The following DACH1 variants were observed in gnomAD, a reference collection of about 807,000 sequenced individuals.
DACH1 encodes the protein dachshund homolog 1.
A neutral mutation model predicts 54.2 loss-of-function variants in DACH1; 12 were observed. That is an observed-to-expected ratio of 0.22 (90% CI 0.14 to 0.36). The LOEUF (loss-of-function observed/expected upper bound fraction) is 0.36. DACH1 is among the 10% of genes least tolerant of loss of function. The probability of loss-of-function intolerance (pLI) is 1.00; values close to 1 mark genes in which losing one functional copy is unlikely to be tolerated. For missense variants in DACH1, 805 were observed against 929.8 expected (o/e 0.87, Z 1.75); for synonymous variants, 386 against 366.2 (o/e 1.05, Z -0.62).
chr13:71,691,416 C>T (rs995088527), intron 1 of DACH1, among the ~76,000 whole-genome samples: 2 of 152,328 alleles, frequency 1.3e-5, no homozygotes, highest in East Asian at 3.9e-4. Flanking sequence ...GAGATAAGTA[C>T]TATTACAATC....
chr13:71,589,186 T>C (rs1227437494), intron 3 of DACH1, among the ~76,000 whole-genome samples: 1 of 151,818 alleles, frequency 6.6e-6, no homozygotes. Context: ...ACTTAGAAGG[T>C]TTCTGCAAAC....
chr13:71,491,394 G>C (rs932135935), intron 6 of DACH1, among the ~76,000 whole-genome samples: 1 of 152,070 alleles, frequency 6.6e-6, no homozygotes, highest in African/African-American at 2.4e-5. Context: ...ACATGTGTGC[G>C]TGCATGCCTG....
chr13:71,486,808 TTATTTATCTATCTATCTATCTATCTATC>T lies in DACH1; in HGVS notation c.1722+2161_1722+2188del, dbSNP rs1197466951. On this transcript the variant is annotated intron_variant, in intron 7 of 10. Coordinates refer to ENST00000613252, the MANE Select transcript of DACH1 (RefSeq NM_080759.6). The stretch of plus-strand genomic sequence containing the variant: ...AAGCTAAATTAATTAATTTATTTAT[TTATTTATCTATCTATCTATCTATCTATC>T]TATCTATCTATCTATCTATCTATCT... Among the ~76,000 whole-genome samples the T allele has an allele frequency of 1.3e-3, 196 of 147,854 alleles. 2 individuals are homozygous for T. The highest frequency in any genetic ancestry group is 3.4e-4 in the Non-Finnish European group (23 of 67,506).
At chr13:71,641,447 C>T (rs558223871) in intron 2 of DACH1, among the ~76,000 whole-genome samples, 2 of 152,120 alleles carry the variant, frequency 1.3e-5, no homozygotes, top group African/African-American at 4.8e-5. Context: ...TTTATAACAA[C>T]ATCTCATTTA....
At chr13:71,855,034 C>T (rs1055908560) in intron 1 of DACH1, among the ~76,000 whole-genome samples, 4 of 151,996 alleles carry the variant, frequency 2.6e-5, no homozygotes, top group African/African-American at 9.7e-5. Context: ...CCTAGATGAT[C>T]ATGACTTATG....
At position 71,439,570 on chromosome 13, in the gene DACH1, A is replaced by G. The variant is rs540053529; in HGVS notation, c.*1085T>C. The G allele has an allele frequency of 5.2e-5, 8 of 152,536 alleles. No homozygotes were observed. The highest frequency in any genetic ancestry group is 1.9e-4 in the African/African-American group (8 of 41,548). The allele number at this position is 152,536 out of a possible 1,614,324, so 9.4% of individuals were successfully genotyped here. On this transcript the variant is annotated 3_prime_UTR_variant, in exon 11 of 11. Transcript: ENST00000613252. ...TGTTTTGATTTGCTGTTCAGCCACA[A>G]TCCATTCCCAATAGTGCAGCTTGGG... is the stretch of plus-strand genomic sequence containing the variant.
At chr13:71,777,766 G>T (rs1471258162) in intron 1 of DACH1, among the ~76,000 whole-genome samples, 1 of 151,986 alleles carries the variant, frequency 6.6e-6, no homozygotes, top group African/African-American at 2.4e-5. Flanking sequence ...AAGTATTTAT[G>T]TGTAATATTC....
rs750775338 is a variant in DACH1 at position 71,866,336 on chromosome 13, C to T, written c.434G>A (p.Ser145Asn). 9 of 1,400,620 alleles carry T rather than the reference C, an allele frequency of 6.4e-6. No individual in the cohort carries two copies. In the East Asian group the frequency reaches 2.1e-4, roughly 33 times the overall value. 86.8% of individuals were successfully genotyped at this position (1,400,620 alleles called of 1,614,324 possible). Residue 145 changes from serine to asparagine, a missense_variant, in exon 1 of 11, where the codon AGT (serine) becomes AAT (asparagine). Physicochemically the swap from Ser to Asn is conservative, Grantham distance 46 (BLOSUM62 1). Around this residue, in one of 3 missense-constraint regions of DACH1, gnomAD observed 305 missense variants for 308.7 expected, o/e 0.99. Coordinates refer to ENST00000613252, the MANE Select transcript of DACH1 (RefSeq NM_080759.6). ...NASTGSSSSS[S>N]SSSSSSSSSS... ...ACTGCTGCTGCTGCTGCTGCTGCTA[C>T]TGCTGCTGCTGCTGCTGCCGGTGCT...
chr13:71,663,901 A>G lies in DACH1; in HGVS notation c.964+17894T>C, dbSNP rs796634624. Reference sequence around the variant, plus strand: ...TGTAAAGTTCATTAATATCCACATAATTTTTCATTTAAAACAGATTTAAGT... The same window carrying G: ...TGTAAAGTTCATTAATATCCACATAGTTTTTCATTTAAAACAGATTTAAGT... On this transcript the variant is annotated intron_variant, in intron 2 of 10. Transcript: ENST00000613252. Among the ~76,000 whole-genome samples the G allele has an allele frequency of 2.6e-4, 39 of 151,934 alleles. 1 individual carries two copies. The highest frequency in any genetic ancestry group is 9.2e-4 in the African/African-American group (38 of 41,446).
At chr13:71,590,627 T>C (rs1478820434) in intron 3 of DACH1, among the ~76,000 whole-genome samples, 1 of 152,166 alleles carries the variant, frequency 6.6e-6, no homozygotes, top group South Asian at 2.1e-4. Flanking sequence ...AAAATGTTAG[T>C]TGAATGAATG....
At chr13:71,805,019 TA>T (rs1201038933) in intron 1 of DACH1, among the ~76,000 whole-genome samples, 3 of 152,140 alleles carry the variant, frequency 2.0e-5, no homozygotes, top group Admixed American at 1.3e-4. Flanking sequence ...CTATTTAAAT[TA>T]AAATTAAGTA....
chr13:71,682,715 C>A (rs903350826), intron 1 of DACH1, among the ~76,000 whole-genome samples: 2 of 151,932 alleles, frequency 1.3e-5, no homozygotes, highest in Non-Finnish European at 2.9e-5. Flanking sequence ...CTCATATGTA[C>A]CTTTAGGATA....
At chr13:71,640,982 T>C (rs144067719) in intron 2 of DACH1, among the ~76,000 whole-genome samples, 4,354 of 152,132 alleles carry the variant, frequency 0.029, 154 homozygotes, top group Admixed American at 0.079. Flanking sequence ...AATGTCTCAG[T>C]TGTTTTTTTC....
intron 6 of DACH1, among the ~76,000 whole-genome samples, chr13:71,507,707 C>A (rs923066208): frequency 6.6e-6 from 1 of 152,130 alleles, no homozygotes; most frequent in South Asian, 2.1e-4. Flanking sequence ...AATTATAATT[C>A]CAGAATGAAA....
At chr13:71,563,790 T>G (rs1398305169) in intron 4 of DACH1, among the ~76,000 whole-genome samples, 1 of 151,592 alleles carries the variant, frequency 6.6e-6, no homozygotes, top group Non-Finnish European at 1.5e-5. Context: ...TAATTGTAGT[T>G]TTGTGTTCAA....
chr13:71,625,433 T>C (rs921728598), intron 3 of DACH1, among the ~76,000 whole-genome samples: 1 of 152,036 alleles, frequency 6.6e-6, no homozygotes, highest in Non-Finnish European at 1.5e-5. Flanking sequence ...GACTCCAGCA[T>C]AAACTATTTT....
At position 71,653,688 on chromosome 13, in the gene DACH1, G is replaced by A. The variant is rs545232490; in HGVS notation, c.965-22971C>T. Among the ~76,000 whole-genome samples the A allele has an allele frequency of 2.6e-5, 4 of 152,096 alleles. No homozygotes were observed. The East Asian group carries it at 5.8e-4, about 22-fold the overall frequency. ...ATCTCTCCCTTTATATATAAACTTG[G>A]TATTTATCTACCTATAGATAACAAG... On this transcript the variant is annotated intron_variant, in intron 2 of 10. Coordinates refer to ENST00000613252, the MANE Select transcript of DACH1 (RefSeq NM_080759.6).
chr13:71,718,270 A>AT (rs1883072885), intron 1 of DACH1, among the ~76,000 whole-genome samples: 1 of 152,042 alleles, frequency 6.6e-6, no homozygotes, highest in Admixed American at 6.6e-5. Flanking sequence ...AAGAAAGAGC[A>AT]TAACAGTTAG....
intron 1 of DACH1, among the ~76,000 whole-genome samples, chr13:71,683,637 TTCTTGAAGTATCCC>T (rs1231029861): frequency 3.9e-5 from 6 of 152,126 alleles, no homozygotes; most frequent in Non-Finnish European, 7.4e-5. Context: ...GTGCTTATTG[TTCTTGAAGTATCCC>T]TCAAGCTACT....
Sources: allele counts gnomAD v4.1 joint callset (sites outside exome capture counted in the v4.1 genomes callset), GRCh38; gene constraint gnomAD v4.1.1; regional missense constraint gnomAD v4.1.1; transcripts MANE v1.5; gene names NCBI Gene and HGNC (gene_info 2026-07-23, HGNC 2026-07-21).